ACTL8: variants seen among roughly 807,000 people sequenced by gnomAD.
The protein encoded by ACTL8 is actin like 8.
In ACTL8, 3 loss-of-function variants were observed where a neutral mutation model predicts 9.3. The observed-to-expected ratio is 0.32, with a 90% CI of 0.15 to 0.83. ACTL8 has a LOEUF of 0.83. ACTL8 is among the 40% of genes least tolerant of loss of function. The probability of loss-of-function intolerance (pLI) is 0.57; values close to 1 mark genes in which losing one functional copy is unlikely to be tolerated. For synonymous variants in ACTL8, 224 were observed against 205.9 expected (o/e 1.09, Z -0.75); for missense variants, 381 against 492.2 (o/e 0.77, Z 2.14).
intron 1 of ACTL8, among the ~76,000 whole-genome samples, chr1:17,800,193 T>A (rs2066310238): frequency 6.6e-6 from 1 of 152,364 alleles, no homozygotes; most frequent in Middle Eastern, 3.4e-3. Flanking sequence ...TGACTAATGT[T>A]AACATGACAG....
intron 1 of ACTL8, among the ~76,000 whole-genome samples, chr1:17,775,230 A>T (rs1557430836): frequency 6.6e-6 from 1 of 152,134 alleles, no homozygotes; most frequent in Non-Finnish European, 1.5e-5. Flanking sequence ...CCGAGGGCTG[A>T]TGTCAGCCAG....
At chr1:17,787,104 C>G (rs1202754638) in intron 1 of ACTL8, among the ~76,000 whole-genome samples, 3 of 152,158 alleles carry the variant, frequency 2.0e-5, no homozygotes, top group Non-Finnish European at 4.4e-5. Flanking sequence ...GACATCCCCC[C>G]TCACTCCCAC....
rs2053673559 is a variant in ACTL8, at chr1:17,822,699, C to T, written c.-24-286C>T. Among the ~76,000 whole-genome samples, 2 of 152,138 alleles carry T rather than the reference C, an allele frequency of 1.3e-5. 1 individual carries two copies. The highest frequency in any genetic ancestry group is 4.1e-4 in the South Asian group (2 of 4,820). On this transcript the variant is annotated intron_variant, in intron 1 of 2. Transcript: ENST00000375406. ...TTGGATTGTGGGGCAGAAGTGCTCACCTAGCAGGATACATGTGTGTGCAAA... is the reference window on the plus strand; with the variant it reads ...TTGGATTGTGGGGCAGAAGTGCTCATCTAGCAGGATACATGTGTGTGCAAA...
chr1:17,799,048 C>T (rs777964832), intron 1 of ACTL8, among the ~76,000 whole-genome samples: 8 of 152,234 alleles, frequency 5.3e-5, no homozygotes, highest in Non-Finnish European at 1.2e-4. Context: ...CTTTGGTCCC[C>T]TCTCTGGTTT....
Position 17,826,133 on chromosome 1 carries a change from C to T in ACTL8, c.715C>T (p.Gln239Ter). ...TGCCTTGGATGAGAGCAACACCTAT[C>T]AGCTCCCAGACGGCTCCCGCGTGGA... ...QSALDESNTY[Q>*]LPDGSRVELT... The change falls in exon 3 of 3, where the codon CAG (glutamine) becomes TAG (stop). Residue 239 changes from glutamine (Q) to a stop codon, truncating the protein, a stop_gained. Coordinates refer to ENST00000375406, the MANE Select transcript of ACTL8 (RefSeq NM_030812.3). LOFTEE classifies it low-confidence loss of function (END_TRUNC). The surrounding 1 kb of genome is among the most constrained non-coding windows in gnomAD (Gnocchi z 4.5). The T allele has an allele frequency of 6.2e-7, 1 of 1,611,134 alleles. No homozygotes were observed. The highest frequency in any genetic ancestry group is 8.5e-7 in the Non-Finnish European group (1 of 1,178,980).
chr1:17,776,101 C>T (rs1009623498), intron 1 of ACTL8, among the ~76,000 whole-genome samples: 2 of 152,156 alleles, frequency 1.3e-5, no homozygotes, highest in African/African-American at 4.8e-5. Context: ...GCCTTGCCTC[C>T]CCAACCAAAA....
At position 17,762,766 on chromosome 1, in the gene ACTL8, C is replaced by T. The variant is rs116009006; in HGVS notation, c.-25+7262C>T. 9.5e-3 allele frequency among the ~76,000 whole-genome samples: 1,442 copies of T among 152,212 alleles called. 32 individuals are homozygous for T. The highest frequency in any genetic ancestry group is 0.033 in the African/African-American group (1,367 of 41,544). ...GGGTGGTCTTCTCCTTGGTGCCCCC[C>T]GCCCCCCAAGGCCTTGTTCCCCGGT... is the stretch of plus-strand genomic sequence containing the variant. On this transcript the variant is annotated intron_variant, in intron 1 of 2. Coordinates refer to ENST00000375406, the MANE Select transcript of ACTL8 (RefSeq NM_030812.3).
At chr1:17,780,377 G>A (rs558841559) in intron 1 of ACTL8, among the ~76,000 whole-genome samples, 10 of 152,268 alleles carry the variant, frequency 6.6e-5, no homozygotes, top group African/African-American at 9.6e-5. Context: ...TGGAGTCTGC[G>A]GAGGGGCTGT....
intron 1 of ACTL8, among the ~76,000 whole-genome samples, chr1:17,797,950 A>T (rs1052929212): frequency 1.3e-5 from 2 of 152,158 alleles, no homozygotes; most frequent in African/African-American, 4.8e-5. Flanking sequence ...TGGGAGCAGG[A>T]TCATTGAGAA....
intron 1 of ACTL8, among the ~76,000 whole-genome samples, chr1:17,799,162 G>A (rs553527225): frequency 1.3e-5 from 2 of 152,304 alleles, no homozygotes; most frequent in Admixed American, 6.5e-5. Flanking sequence ...GGGAAATGCC[G>A]AGTCAGCAGG....
rs144358111 is a variant in ACTL8, at chr1:17,785,915, C to T, written c.-25+30411C>T. The stretch of plus-strand genomic sequence containing the variant: ...CACAAGGCCACAGTCAAGGTGGTGA[C>T]TGGGCTGTGTTCTCATCTAGAGGCT... On this transcript the variant is annotated intron_variant, in intron 1 of 2. Transcript: ENST00000375406. 2.0e-3 allele frequency among the ~76,000 whole-genome samples: 311 copies of T among 152,266 alleles called. 1 individual carries two copies. Among genetic ancestry groups the T allele is most frequent in the Non-Finnish European group, 3.5e-3 (241 of 68,024 alleles).
chr1:17,776,969 ATTTTTTTTTTTTTTT>A lies in ACTL8; in HGVS notation c.-25+21487_-25+21501del, dbSNP rs765972298. Among the ~76,000 whole-genome samples, 73 of 50,550 alleles carry A rather than the reference ATTTTTTTTTTTTTTT, an allele frequency of 1.4e-3. 1 individual carries two copies. Among genetic ancestry groups the A allele is most frequent in the African/African-American group, 4.2e-3 (54 of 12,720 alleles). 33.2% of individuals were successfully genotyped at this position (50,550 alleles called of 152,430 possible). A position where few individuals can be genotyped will look rare whatever the true frequency, so the allele number is the denominator to read the frequency against. On this transcript the variant is annotated intron_variant, in intron 1 of 2. Transcript: ENST00000375406. ...CATCCACCACCGTTCCTGGCTAATG[ATTTTTTTTTTTTTTT>A]TTTTTTTTTTTTTTTTTTTTTAGAG...
intron 1 of ACTL8, among the ~76,000 whole-genome samples, chr1:17,760,937 AG>A (rs760780520): frequency 7.2e-5 from 11 of 152,060 alleles, no homozygotes; most frequent in Admixed American, 1.3e-4. Flanking sequence ...GATGGATCCG[AG>A]GGGGTAAGTG....
At chr1:17,825,732 G>C in intron 2 of ACTL8, 35 bp from the exon 3 acceptor site, 1 of 1,591,472 alleles carries the variant, frequency 6.3e-7, no homozygotes, top group Non-Finnish European at 8.6e-7. Flanking sequence ...GCAGGCTGGG[G>C]GGAAATGCAC....
chr1:17,811,230 G>A (rs1029232582), intron 1 of ACTL8, among the ~76,000 whole-genome samples: 2 of 152,138 alleles, frequency 1.3e-5, no homozygotes, highest in Non-Finnish European at 1.5e-5. Flanking sequence ...CTTACTTACC[G>A]TCTGTGTAGC....
intron 1 of ACTL8, among the ~76,000 whole-genome samples, chr1:17,783,272 T>C (rs2066169499): frequency 6.6e-6 from 1 of 152,198 alleles, no homozygotes; most frequent in Admixed American, 6.5e-5. Context: ...GGGCAAATCT[T>C]TCCCATGCTG....
rs1035381079 is a variant in ACTL8, at chr1:17,823,766, C to T, written c.348+410C>T. Among the ~76,000 whole-genome samples, 6 of 152,070 alleles carry T rather than the reference C, an allele frequency of 3.9e-5. No individual in the cohort carries two copies. ...AACAAAAAAACCCAACAGAAACCAA[C>T]AAATTGCCCCACAAACATTTCCCAA... On this transcript the variant is annotated intron_variant, in intron 2 of 2. Coordinates refer to ENST00000375406, the MANE Select transcript of ACTL8 (RefSeq NM_030812.3). The surrounding 1 kb of genome is among the most constrained non-coding windows in gnomAD (Gnocchi z 5.3).
intron 1 of ACTL8, among the ~76,000 whole-genome samples, chr1:17,769,587 G>C (rs371229713): frequency 3.7e-4 from 56 of 152,270 alleles, no homozygotes; most frequent in Non-Finnish European, 6.5e-4. Context: ...CAGTAAAAAG[G>C]GGGTGGTGGT....
At chr1:17,793,243 G>A (rs905901813) in intron 1 of ACTL8, among the ~76,000 whole-genome samples, 2 of 152,230 alleles carry the variant, frequency 1.3e-5, no homozygotes, top group Admixed American at 6.5e-5. Flanking sequence ...GGTCTGAAAT[G>A]TTCAAATCCT....
Sources: allele counts gnomAD v4.1 joint callset (sites outside exome capture counted in the v4.1 genomes callset), GRCh38; gene constraint gnomAD v4.1.1; non-coding constraint Gnocchi (gnomAD v3.1); transcripts MANE v1.5; gene names NCBI Gene and HGNC (gene_info 2026-07-23, HGNC 2026-07-21).